Variants in CTIF observed in about 807,000 individuals in gnomAD.
CTIF encodes the protein cap binding complex dependent translation initiation factor.
A neutral mutation model predicts 66.0 loss-of-function variants in CTIF; 21 were observed. The observed-to-expected ratio is 0.32, with a 90% CI of 0.23 to 0.46. The LOEUF is 0.46. Among genes scored for constraint, CTIF ranks in the 20% least tolerant of loss-of-function variants. CTIF has a pLI of 1.00. For missense variants in CTIF, 739 were observed against 812.7 expected (o/e 0.91, Z 1.10); for synonymous variants, 345 against 326.4 (o/e 1.06, Z -0.62).
intron 6 of CTIF, among the ~76,000 whole-genome samples, chr18:48,705,123 G>A (rs1053825409): frequency 1.3e-5 from 2 of 152,320 alleles, no homozygotes; most frequent in East Asian, 3.9e-4. Flanking sequence ...TTCAGGGAGG[G>A]TGGGGTAATG....
chr18:48,590,603 C>T (rs1009436487), intron 1 of CTIF, among the ~76,000 whole-genome samples: 1 of 152,236 alleles, frequency 6.6e-6, no homozygotes, highest in Non-Finnish European at 1.5e-5. Flanking sequence ...AAATCCTTTG[C>T]CCTTCCCTGG....
chr18:48,827,688 T>A (rs2068610194), intron 10 of CTIF, among the ~76,000 whole-genome samples: 3 of 151,922 alleles, frequency 2.0e-5, no homozygotes, highest in African/African-American at 7.3e-5. Flanking sequence ...TAGGGCCAGG[T>A]ACCCAGCCCC....
intron 6 of CTIF, among the ~76,000 whole-genome samples, chr18:48,678,878 AAACTG>A (rs1453864358): frequency 6.6e-6 from 1 of 152,210 alleles, no homozygotes; most frequent in African/African-American, 2.4e-5. Flanking sequence ...AGGGATTGGC[AAACTG>A]GTCCACAGAC....
intron 1 of CTIF, among the ~76,000 whole-genome samples, chr18:48,591,760 T>C (rs896490522): frequency 1.3e-5 from 2 of 152,180 alleles, no homozygotes; most frequent in African/African-American, 4.8e-5. Flanking sequence ...CTTTTCTTTT[T>C]TCTTAGAGAC....
intron 1 of CTIF, among the ~76,000 whole-genome samples, chr18:48,595,829 C>T (rs1203417631): frequency 6.6e-6 from 1 of 152,186 alleles, no homozygotes; most frequent in Non-Finnish European, 1.5e-5. Flanking sequence ...AGGCAATATT[C>T]AACTGCGGGA....
chr18:48,735,385 T>C (rs2878884), intron 7 of CTIF, among the ~76,000 whole-genome samples: 139,643 of 152,272 alleles, frequency 0.92, 64,217 homozygotes, highest in East Asian at 1. Flanking sequence ...AGTGCGCCAA[T>C]TCTTCACTGC....
intron 6 of CTIF, among the ~76,000 whole-genome samples, chr18:48,704,983 T>C (rs1036388743): frequency 6.6e-6 from 1 of 152,168 alleles, no homozygotes; most frequent in Non-Finnish European, 1.5e-5. Flanking sequence ...CAGAGGCCCC[T>C]AAGTGCATGC....
chr18:48,628,555 G>A (rs556285612), intron 2 of CTIF, among the ~76,000 whole-genome samples: 46 of 152,248 alleles, frequency 3.0e-4, no homozygotes, highest in Non-Finnish European at 5.4e-4. Flanking sequence ...GGCAAGACTG[G>A]GGTTTGAAAC....
chr18:48,773,519 A>T (rs1376735929), intron 9 of CTIF, among the ~76,000 whole-genome samples: 1 of 152,172 alleles, frequency 6.6e-6, no homozygotes, highest in Non-Finnish European at 1.5e-5. Context: ...GCCATGGGGA[A>T]CTGTGCTCCC....
chr18:48,630,228 TG>T (rs2090677942), intron 2 of CTIF, among the ~76,000 whole-genome samples: 1 of 151,766 alleles, frequency 6.6e-6, no homozygotes. Context: ...CACAAACAGA[TG>T]TAGGGCTTTT....
Position 48,817,248 on chromosome 18 carries a change from C to A in CTIF, c.1399C>A (p.Gln467Lys), listed in dbSNP as rs2068384516. 1 of 1,613,886 alleles carries A rather than the reference C, an allele frequency of 6.2e-7. No individual in the cohort carries two copies. The highest frequency in any genetic ancestry group is 1.3e-5 in the African/African-American group (1 of 74,948). The change falls in exon 10 of 12, where the codon CAG becomes AAG. Residue 467 changes from glutamine (Q) to lysine (K), a missense_variant. Physicochemically the swap from Gln to Lys is moderately conservative, Grantham distance 53 (BLOSUM62 1). This residue lies in a region of CTIF where 210 missense variants were observed against 292.3 expected (regional missense o/e 0.72). Transcript: ENST00000256413. ...QKDFTVREEL[Q>K]QQDVERWLGF... ...GGACTTCACGGTGCGCGAGGAGCTG[C>A]AGCAGCAGGACGTGGAGCGCTGGCT...
At chr18:48,576,184 A>G (rs2089527179) in intron 1 of CTIF, among the ~76,000 whole-genome samples, 1 of 152,328 alleles carries the variant, frequency 6.6e-6, no homozygotes, top group East Asian at 1.9e-4. Context: ...GGTCACTTGC[A>G]CTGAGGCTGC....
At chr18:48,612,054 T>C (rs1312730365) in intron 1 of CTIF, among the ~76,000 whole-genome samples, 3 of 152,244 alleles carry the variant, frequency 2.0e-5, no homozygotes, top group Non-Finnish European at 4.4e-5. Flanking sequence ...TTCATGCATT[T>C]CTGAACTTTC....
intron 2 of CTIF, among the ~76,000 whole-genome samples, chr18:48,627,795 G>A (rs1238668261): frequency 6.7e-6 from 1 of 149,350 alleles, no homozygotes; most frequent in Non-Finnish European, 1.5e-5. Flanking sequence ...GAGGAAGGAA[G>A]GGAGGGAGGG....
intron 10 of CTIF, among the ~76,000 whole-genome samples, chr18:48,829,633 C>T (rs1465363307): frequency 3.3e-5 from 5 of 152,190 alleles, no homozygotes; most frequent in Admixed American, 6.5e-5. Context: ...GTTGGGGTGC[C>T]GAGTGCTGGA....
chr18:48,853,172 G>A lies in CTIF; in HGVS notation c.1528-4416G>A, dbSNP rs532178714. On this transcript the variant is annotated intron_variant, in intron 10 of 11. Transcript: ENST00000256413. ...CAGATGTTGGGGAGAGCAGTGGACC[G>A]ACATCGCCCTACCCTCATGGAGCTT... Among the ~76,000 whole-genome samples, 8 of 152,318 alleles carry A rather than the reference G, an allele frequency of 5.3e-5. No individual in the cohort carries two copies. The South Asian group carries it at 6.2e-4, about 12-fold the overall frequency.
At chr18:48,848,838 A>AGG (rs1431501223) in intron 10 of CTIF, among the ~76,000 whole-genome samples, 2 of 152,356 alleles carry the variant, frequency 1.3e-5, no homozygotes, top group Non-Finnish European at 2.9e-5. Flanking sequence ...TTTCTCCCTG[A>AGG]GGGAGGATAT....
At chr18:48,585,190 G>A (rs2089740623) in intron 1 of CTIF, among the ~76,000 whole-genome samples, 1 of 152,240 alleles carries the variant, frequency 6.6e-6, no homozygotes, top group South Asian at 2.1e-4. Context: ...CAAGCTGCCG[G>A]GTAAAAGTGC....
intron 6 of CTIF, among the ~76,000 whole-genome samples, chr18:48,693,845 A>G (rs2091968392): frequency 1.3e-5 from 2 of 152,230 alleles, no homozygotes; most frequent in Admixed American, 1.3e-4. Flanking sequence ...AGTCATTGTG[A>G]CAAAGACCTT....
Sources: gnomAD v4.1 joint callset for allele counts (sites outside exome capture counted in the v4.1 genomes callset) on GRCh38, gnomAD v4.1.1 for gene constraint, gnomAD v4.1.1 regional missense constraint, MANE v1.5 for transcripts, NCBI Gene and HGNC (gene_info 2026-07-23, HGNC 2026-07-21) for gene names.